Variants in KDM5A observed in about 807,000 individuals in gnomAD.
The protein encoded by KDM5A is lysine demethylase 5A.
KDM5A carries 42 observed loss-of-function variants against 193.5 expected under a neutral mutation model. The observed-to-expected ratio is 0.22, with a 90% CI of 0.17 to 0.28. The LOEUF is 0.28. KDM5A is among the 10% of genes least tolerant of loss of function. The pLI, the probability that KDM5A is intolerant of heterozygous loss-of-function variation, is 1.00. For synonymous variants in KDM5A, 796 were observed against 718.1 expected, an observed-to-expected ratio of 1.11 and a Z score of -1.73; for missense variants, 1,692 against 2,055.1, an observed-to-expected ratio of 0.82 and a Z score of 3.42.
At chr12:335,811 G>A (rs1045461034) in intron 10 of KDM5A, among the ~76,000 whole-genome samples, 2 of 152,002 alleles carry the variant, frequency 1.3e-5, no homozygotes, top group African/African-American at 4.8e-5. Context: ...GGAGGGTGAG[G>A]TGGGTAGATG....
At chr12:301,418 T>C (rs894441938) in intron 24 of KDM5A, among the ~76,000 whole-genome samples, 1 of 152,040 alleles carries the variant, frequency 6.6e-6, no homozygotes, top group Non-Finnish European at 1.5e-5. Context: ...ACAGAACCAA[T>C]GATAAAAACC....
chr12:289,907 CTT>C (rs750918968), intron 27 of KDM5A, among the ~76,000 whole-genome samples: 2,105 of 99,628 alleles, frequency 0.021, 80 homozygotes, highest in South Asian at 0.16. Flanking sequence ...TTCTTTCTTT[CTT>C]TTTTTTTTTT....
chr12:356,853 T>C (rs1944234658), intron 5 of KDM5A, among the ~76,000 whole-genome samples: 1 of 152,196 alleles, frequency 6.6e-6, no homozygotes, highest in Admixed American at 6.5e-5. Flanking sequence ...CGGACACCTG[T>C]ATTTGATTAG....
chr12:332,735 T>C (rs1001402236), intron 12 of KDM5A, among the ~76,000 whole-genome samples: 1 of 152,168 alleles, frequency 6.6e-6, no homozygotes, highest in Admixed American at 6.5e-5. Context: ...TCCTTATTAG[T>C]TGTTAGTTAT....
chr12:328,770 T>A, intron 14 of KDM5A, 65 bp downstream of exon 14: 1 of 1,450,338 alleles, frequency 6.9e-7, no homozygotes, highest in Admixed American at 1.7e-5. Context: ...AAATTCTACC[T>A]ATAGGTTTAT....
intron 10 of KDM5A, among the ~76,000 whole-genome samples, chr12:342,316 T>C (rs891617444): frequency 6.6e-6 from 1 of 152,036 alleles, no homozygotes; most frequent in African/African-American, 2.4e-5. Context: ...AGAAATGAAT[T>C]ACCATCTCAA....
At position 346,389 on chromosome 12, in the gene KDM5A, C is replaced by A. The variant is rs556832656; in HGVS notation, c.1308+4232G>T. 2.2e-4 allele frequency among the ~76,000 whole-genome samples: 34 copies of A among 152,060 alleles called. 1 individual carries two copies. Among genetic ancestry groups the A allele is most frequent in the Admixed American group, 7.2e-4 (11 of 15,246 alleles). ...AACTATTCCAAGCAATAGAAAAAGA[C>A]GGAATCCTCCCTAACTCATTTTATG... On this transcript the variant is annotated intron_variant, in intron 10 of 27. Transcript: ENST00000399788.
chr12:374,587 C>T (rs960745185), intron 3 of KDM5A, among the ~76,000 whole-genome samples: 16 of 152,050 alleles, frequency 1.1e-4, no homozygotes, highest in African/African-American at 1.7e-4. Context: ...AAGGTTAATA[C>T]TGTTATGTGT....
intron 5 of KDM5A, among the ~76,000 whole-genome samples, chr12:357,265 G>C (rs920246205): frequency 6.6e-6 from 1 of 151,024 alleles, no homozygotes; most frequent in African/African-American, 2.4e-5. Flanking sequence ...TGACAGACAA[G>C]CGAGACCCTG....
intron 27 of KDM5A, among the ~76,000 whole-genome samples, chr12:288,042 A>G (rs1943242092): frequency 6.6e-6 from 1 of 152,238 alleles, no homozygotes; most frequent in South Asian, 2.1e-4. Flanking sequence ...ACTACAGGTT[A>G]TATAACAATT....
intron 24 of KDM5A, among the ~76,000 whole-genome samples, chr12:299,943 C>G (rs56083149): frequency 0.25 from 29,626 of 116,842 alleles, 4,571 homozygotes; most frequent in East Asian, 0.47. Context: ...AGAGACAAGG[C>G]CATTACATAA....
intron 15 of KDM5A, 96 bp from the exon 16 acceptor site, chr12:323,302 C>T: frequency 7.3e-7 from 1 of 1,375,794 alleles, no homozygotes; most frequent in Non-Finnish European, 9.7e-7. Context: ...TAAATATAAC[C>T]AGCTTAAGGA....
chr12:380,638 G>T (rs572857130), intron 3 of KDM5A, among the ~76,000 whole-genome samples: 2 of 151,974 alleles, frequency 1.3e-5, no homozygotes, highest in Non-Finnish European at 2.9e-5. Flanking sequence ...CATGAGAATC[G>T]GTTGAACCTG....
chr12:286,701 T>C (rs1943223345), intron 27 of KDM5A, among the ~76,000 whole-genome samples: 1 of 152,184 alleles, frequency 6.6e-6, no homozygotes, highest in African/African-American at 2.4e-5. Context: ...GCTAGGTAAA[T>C]GAGTTTCATT....
chr12:318,992 G>A (rs1044316700), intron 18 of KDM5A, among the ~76,000 whole-genome samples: 5 of 152,202 alleles, frequency 3.3e-5, no homozygotes, highest in Admixed American at 1.3e-4. Context: ...AGAACGGTTC[G>A]GGCAGGGCAA....
At position 308,017 on chromosome 12, in the gene KDM5A, A is replaced by G. The variant is rs547618005; in HGVS notation, c.3379-12T>C. 2.9e-4 allele frequency: 464 copies of G among 1,613,258 alleles called. 11 individuals carry two copies. The South Asian group carries it at 4.9e-3, about 17-fold the overall frequency. On this transcript the variant is annotated splice_polypyrimidine_tract_variant and intron_variant, in intron 22 of 27. Transcript: ENST00000399788. ...TTGAAAACTGCCACCTGTACAAGAC[A>G]AACATTTAATTGAAAAGAGTCACTG...
In KDM5A at chr12:292,994, T is replaced by G. The variant is rs1943319527; in HGVS notation, c.4631A>C (p.Lys1544Thr). ...RKKKLKLGAD[K>T]SKELNKLAKK... The stretch of plus-strand genomic sequence containing the variant: ...GGCCAGTTTATTCAGCTCCTTTGAT[T>G]TGTCTGCACCTAATTTTAATTTCTT... Residue 1544 changes from lysine to threonine, a missense_variant, in exon 27 of 28, where the codon AAA becomes ACA. By Grantham distance (78) the Lys-to-Thr change is moderately conservative. Coordinates refer to ENST00000399788, the MANE Select transcript of KDM5A (RefSeq NM_001042603.3). 1 of 1,605,438 alleles carries G rather than the reference T, an allele frequency of 6.2e-7. No homozygotes were observed. Among genetic ancestry groups the G allele is most frequent in the Non-Finnish European group, 8.5e-7 (1 of 1,178,108 alleles).
intron 3 of KDM5A, among the ~76,000 whole-genome samples, chr12:370,611 CTTT>C (rs777162719): frequency 7.3e-5 from 6 of 82,448 alleles, no homozygotes; most frequent in Admixed American, 5.0e-4. Flanking sequence ...GGAACAGAGA[CTTT>C]TTTTTTTTTT....
intron 24 of KDM5A, among the ~76,000 whole-genome samples, chr12:306,634 T>G (rs1272981254): frequency 6.6e-6 from 1 of 151,724 alleles, no homozygotes; most frequent in African/African-American, 2.4e-5. Flanking sequence ...TTCCAGCAAC[T>G]TGGGAGGCTG....
Sources: allele counts gnomAD v4.1 joint callset (sites outside exome capture counted in the v4.1 genomes callset), GRCh38; gene constraint gnomAD v4.1.1; transcripts MANE v1.5; gene names NCBI Gene and HGNC (gene_info 2026-07-23, HGNC 2026-07-21).